The following AIG1 variants were observed in gnomAD, a reference collection of about 807,000 sequenced individuals.
AIG1 encodes androgen-induced gene 1 protein.
A neutral mutation model predicts 31.4 loss-of-function variants in AIG1; 23 were observed. The observed-to-expected ratio is 0.73, with a 90% confidence interval of 0.53 to 1.04. The LOEUF is 1.04. AIG1 is among the 50% of genes least tolerant of loss of function. AIG1 has a pLI of 0.00. For synonymous variants in AIG1, 100 were observed against 110.5 expected (o/e 0.90, Z 0.60); for missense variants, 274 against 295.0 (o/e 0.93, Z 0.52).
At chr6:143,336,212 C>T (rs948176015) in intron 5 of AIG1, among the ~76,000 whole-genome samples, 1 of 152,152 alleles carries the variant, frequency 6.6e-6, no homozygotes. Context: ...GCATTGGAGC[C>T]ACCCTCCTTT....
intron 1 of AIG1, among the ~76,000 whole-genome samples, chr6:143,078,584 A>C (rs1777934016): frequency 6.6e-6 from 1 of 152,214 alleles, no homozygotes; most frequent in Non-Finnish European, 1.5e-5. Context: ...ATCGTGGTGG[A>C]AGGCAAAAGG....
rs111557646 is a variant in AIG1 at position 143,071,436 on chromosome 6, C to T, written c.141+10370C>T. ...TGTGTGACCATAAGTTTTTATTTCT[C>T]TGATATAAACATCCAAGAAGAAAAA... On this transcript the variant is annotated intron_variant, in intron 1 of 5. Coordinates refer to ENST00000357847, the MANE Select transcript of AIG1 (RefSeq NM_016108.4). Among the ~76,000 whole-genome samples the T allele has an allele frequency of 1.1e-3, 163 of 152,284 alleles. 2 individuals are homozygous for T. The highest frequency in any genetic ancestry group is 1.4e-3 in the South Asian group (7 of 4,828).
intron 1 of AIG1, among the ~76,000 whole-genome samples, chr6:143,116,399 C>T (rs1781740136): frequency 6.6e-6 from 1 of 151,984 alleles, no homozygotes; most frequent in African/African-American, 2.4e-5. Flanking sequence ...TCCAGTTATT[C>T]ATTCATCCAT....
At chr6:143,243,550 T>C (rs1302551375) in intron 3 of AIG1, among the ~76,000 whole-genome samples, 2 of 152,208 alleles carry the variant, frequency 1.3e-5, no homozygotes, top group Non-Finnish European at 2.9e-5. Context: ...GCCCGGAATC[T>C]TTTTACCAGG....
intron 3 of AIG1, among the ~76,000 whole-genome samples, chr6:143,220,991 ATTGTTGTTGTTG>A (rs200697142): frequency 6.6e-6 from 1 of 151,692 alleles, no homozygotes; most frequent in Non-Finnish European, 1.5e-5. Context: ...ACTAGTTTTT[ATTGTTGTTGTTG>A]TTGTTGTTGT....
intron 1 of AIG1, among the ~76,000 whole-genome samples, chr6:143,108,349 A>G (rs1409623432): frequency 6.6e-6 from 1 of 152,228 alleles, no homozygotes; most frequent in African/African-American, 2.4e-5. Context: ...ATATCTTGAG[A>G]AACCTAAAAC....
chr6:143,235,706 G>C (rs1669973312), intron 3 of AIG1, among the ~76,000 whole-genome samples: 2 of 152,190 alleles, frequency 1.3e-5, no homozygotes. Flanking sequence ...GTTGTATTTA[G>C]GTTTTACGTG....
At position 143,178,498 on chromosome 6, in the gene AIG1, C is replaced by G. The variant is rs190203814; in HGVS notation, c.399+13315C>G. On this transcript the variant is annotated intron_variant, in intron 3 of 5. Transcript: ENST00000357847. ...GGGGGCTCTCCTCTTATTAGGACTA[C>G]AGGCATCCAGCATGGAAATGTGGAC... is the stretch of plus-strand genomic sequence containing the variant. Among the ~76,000 whole-genome samples, 13 of 152,338 alleles carry G rather than the reference C, an allele frequency of 8.5e-5. No individual in the cohort carries two copies. In the East Asian group the frequency reaches 2.5e-3, roughly 29 times the overall value.
At chr6:143,342,539 C>T (rs1379867138), downstream of AIG1, 2 of 835,044 alleles carry the variant, frequency 2.4e-6, no homozygotes, top group Non-Finnish European at 4.3e-6. Flanking sequence ...TAAGGACTCT[C>T]ATAAAACCTT....
At chr6:143,188,070 G>T in intron 3 of AIG1, 2 of 1,070,756 alleles carry the variant, frequency 1.9e-6, no homozygotes, top group Non-Finnish European at 2.3e-6. Flanking sequence ...AGAGGTTGAT[G>T]CTCAAAGGGT....
At chr6:143,218,524 C>T (rs1176937734) in intron 3 of AIG1, among the ~76,000 whole-genome samples, 1 of 152,204 alleles carries the variant, frequency 6.6e-6, no homozygotes, top group Non-Finnish European at 1.5e-5. Flanking sequence ...CTTGCTGTCC[C>T]TGAAGCAAGG....
chr6:143,129,158 G>T (rs149724870), intron 1 of AIG1, among the ~76,000 whole-genome samples: 1 of 152,092 alleles, frequency 6.6e-6, no homozygotes, highest in Non-Finnish European at 1.5e-5. Flanking sequence ...GGGTGTGGGG[G>T]CAGGCACCTG....
At chr6:143,230,124 C>T (rs1583571146) in intron 3 of AIG1, among the ~76,000 whole-genome samples, 1 of 152,156 alleles carries the variant, frequency 6.6e-6, no homozygotes, top group South Asian at 2.1e-4. Flanking sequence ...TAAATTCTAA[C>T]CTGTGAAAGT....
chr6:143,098,139 C>T (rs1164569354), intron 1 of AIG1, among the ~76,000 whole-genome samples: 1 of 152,132 alleles, frequency 6.6e-6, no homozygotes, highest in East Asian at 1.9e-4. Flanking sequence ...CTATTTTCAG[C>T]AAAACTCCTT....
At chr6:143,098,163 A>T (rs1360497244) in intron 1 of AIG1, among the ~76,000 whole-genome samples, 1 of 152,128 alleles carries the variant, frequency 6.6e-6, no homozygotes, top group East Asian at 1.9e-4. Context: ...AGAAGTCTAC[A>T]CTTCTGGTTT....
chr6:143,130,745 C>G lies in AIG1; in HGVS notation c.142-6090C>G, dbSNP rs188043324. Among the ~76,000 whole-genome samples, 7 of 152,168 alleles carry G rather than the reference C, an allele frequency of 4.6e-5. No individual in the cohort carries two copies. The East Asian group carries it at 1.4e-3, about 29-fold the overall frequency. ...AGAAAAATAAAAGAAGTTTTAAATT[C>G]AGGGGTACATGTGCAAATTTGTTAC... On this transcript the variant is annotated intron_variant, in intron 1 of 5. Coordinates refer to ENST00000357847, the MANE Select transcript of AIG1 (RefSeq NM_016108.4).
chr6:143,220,182 A>G (rs1339361375), intron 3 of AIG1, among the ~76,000 whole-genome samples: 1 of 152,184 alleles, frequency 6.6e-6, no homozygotes, highest in Non-Finnish European at 1.5e-5. Flanking sequence ...TTCAGGTTCC[A>G]GCTTGTATGT....
intron 3 of AIG1, among the ~76,000 whole-genome samples, chr6:143,221,109 A>G (rs147541476): frequency 9.3e-4 from 142 of 152,288 alleles, no homozygotes; most frequent in African/African-American, 3.1e-3. Context: ...AATGAGTATT[A>G]TTATTGTAGT....
chr6:143,072,945 C>A (rs538723686), intron 1 of AIG1, among the ~76,000 whole-genome samples: 2 of 152,154 alleles, frequency 1.3e-5, no homozygotes, highest in Admixed American at 6.5e-5. Flanking sequence ...TACATAGAGT[C>A]CTCATTTTGT....
Sources: allele counts gnomAD v4.1 joint callset (sites outside exome capture counted in the v4.1 genomes callset), GRCh38; gene constraint gnomAD v4.1.1; transcripts MANE v1.5; gene names NCBI Gene and HGNC (gene_info 2026-07-23, HGNC 2026-07-21).